PABPC4L: variants seen among roughly 807,000 people sequenced by gnomAD.
PABPC4L encodes the protein polyadenylate-binding protein 4-like.
For synonymous variants in PABPC4L, 169 were observed against 164.1 expected (o/e 1.03, Z -0.23); for missense variants, 452 against 451.4 (o/e 1.00, Z -0.01).
the PABPC4L span, among the ~76,000 whole-genome samples, chr4:134,139,074 A>T: frequency 2.5e-4 from 38 of 151,952 alleles, no homozygotes; most frequent in African/African-American, 8.9e-4. Context: ...AAAGAAAGCA[A>T]GTGACTCAAC....
At chr4:133,983,161 T>C in the PABPC4L span, among the ~76,000 whole-genome samples, 1 of 151,932 alleles carries the variant, frequency 6.6e-6, no homozygotes, top group Non-Finnish European at 1.5e-5. Flanking sequence ...AATGAGGAGG[T>C]TTAGTTCTTA....
chr4:134,174,511 T>A, the PABPC4L span, among the ~76,000 whole-genome samples: 1 of 152,178 alleles, frequency 6.6e-6, no homozygotes, highest in Non-Finnish European at 1.5e-5. Flanking sequence ...ATGTTATGAC[T>A]GCTACAATGA....
chr4:134,097,421 T>C, the PABPC4L span, among the ~76,000 whole-genome samples: 1 of 151,842 alleles, frequency 6.6e-6, no homozygotes, highest in Admixed American at 6.6e-5. Context: ...TTTTGCCATA[T>C]TTTACCCTTC....
rs1203786256 is a variant in PABPC4L, at chr4:134,197,313, T to C, written c.*2594A>G. On this transcript the variant is annotated 3_prime_UTR_variant, in exon 2 of 2. Coordinates refer to ENST00000421491, the MANE Select transcript of PABPC4L (RefSeq NM_001114734.2). ...TATTTACTATAGGTTTTATATAAGA[T>C]ACTTTTTATGAACCAAAATTTTAGT... is the stretch of plus-strand genomic sequence containing the variant. 2 of 151,776 alleles carry C rather than the reference T, an allele frequency of 1.3e-5. No individual in the cohort carries two copies. The highest frequency in any genetic ancestry group is 4.8e-5 in the African/African-American group (2 of 41,444). 9.4% of individuals were successfully genotyped at this position (151,776 alleles called of 1,614,324 possible). A position where few individuals can be genotyped will look rare whatever the true frequency, so the allele number is the denominator to read the frequency against.
chr4:134,104,630 T>G, the PABPC4L span, among the ~76,000 whole-genome samples: 3 of 151,678 alleles, frequency 2.0e-5, no homozygotes, highest in Non-Finnish European at 4.4e-5. Flanking sequence ...CAGGCCAAAA[T>G]ATGGTGCCTC....
the PABPC4L span, among the ~76,000 whole-genome samples, chr4:134,164,668 A>C: frequency 6.6e-6 from 1 of 152,186 alleles, no homozygotes; most frequent in Non-Finnish European, 1.5e-5. Context: ...ATGGATTGCA[A>C]GGATAAGTAT....
At chr4:134,015,809 G>A in the PABPC4L span, among the ~76,000 whole-genome samples, 28,291 of 152,026 alleles carry the variant, frequency 0.19, 3,274 homozygotes, top group Middle Eastern at 0.26. Context: ...TCAAGTCTGC[G>A]TGTGGCGGCT....
At chr4:134,015,256 C>G in the PABPC4L span, among the ~76,000 whole-genome samples, 1 of 152,086 alleles carries the variant, frequency 6.6e-6, no homozygotes, top group African/African-American at 2.4e-5. Context: ...ACAATTCCCC[C>G]GTTTTACCTG....
the PABPC4L span, among the ~76,000 whole-genome samples, chr4:134,166,015 A>G: frequency 6.6e-6 from 1 of 152,300 alleles, no homozygotes; most frequent in East Asian, 1.9e-4. Flanking sequence ...TCTAAGTGAA[A>G]TAATTCAGAA....
At chr4:134,000,499 T>TA in the PABPC4L span, among the ~76,000 whole-genome samples, 1 of 152,142 alleles carries the variant, frequency 6.6e-6, no homozygotes, top group Non-Finnish European at 1.5e-5. Context: ...TAATCTAACC[T>TA]AAAAAATTGG....
At chr4:134,075,795 T>A in the PABPC4L span, among the ~76,000 whole-genome samples, 2 of 152,170 alleles carry the variant, frequency 1.3e-5, no homozygotes, top group Non-Finnish European at 2.9e-5. Flanking sequence ...AAATTTTATG[T>A]GTTCTATAGC....
chr4:134,074,733 G>C, the PABPC4L span, among the ~76,000 whole-genome samples: 1 of 152,188 alleles, frequency 6.6e-6, no homozygotes, highest in Non-Finnish European at 1.5e-5. Context: ...GAAAGGGAAG[G>C]AAACAAGTCC....
At chr4:134,077,205 A>G in the PABPC4L span, among the ~76,000 whole-genome samples, 1,657 of 152,258 alleles carry the variant, frequency 0.011, 16 homozygotes, top group African/African-American at 0.038. Context: ...TTCCATCTTG[A>G]AAACTTCTGT....
At chr4:133,999,132 T>C in the PABPC4L span, among the ~76,000 whole-genome samples, 2 of 152,034 alleles carry the variant, frequency 1.3e-5, no homozygotes, top group Non-Finnish European at 2.9e-5. Context: ...TCCACACATA[T>C]TACATCAACA....
the PABPC4L span, among the ~76,000 whole-genome samples, chr4:134,064,759 A>G: frequency 6.6e-6 from 1 of 151,952 alleles, no homozygotes; most frequent in South Asian, 2.1e-4. Context: ...CATACCCTCC[A>G]CCCTCTAGTA....
At chr4:134,057,963 A>G in the PABPC4L span, among the ~76,000 whole-genome samples, 1 of 152,110 alleles carries the variant, frequency 6.6e-6, no homozygotes, top group Non-Finnish European at 1.5e-5. Context: ...TGAGAAAGAA[A>G]AAACAGTATT....
chr4:134,026,618 T>C, the PABPC4L span, among the ~76,000 whole-genome samples: 1 of 152,102 alleles, frequency 6.6e-6, no homozygotes, highest in Non-Finnish European at 1.5e-5. Flanking sequence ...GGTTGAATTG[T>C]GTCCCCCCCC....
chr4:134,113,625 G>GAA, the PABPC4L span, among the ~76,000 whole-genome samples: 143 of 151,904 alleles, frequency 9.4e-4, no homozygotes, highest in African/African-American at 3.3e-3. Flanking sequence ...CCACTGTTAA[G>GAA]AAACACATGA....
At chr4:134,171,383 G>A in the PABPC4L span, among the ~76,000 whole-genome samples, 1 of 152,052 alleles carries the variant, frequency 6.6e-6, no homozygotes. Flanking sequence ...CAAAGTACTG[G>A]GATTACAAGC....
Sources: gnomAD v4.1 joint callset for allele counts (sites outside exome capture counted in the v4.1 genomes callset) on GRCh38, gnomAD v4.1.1 for gene constraint, MANE v1.5 for transcripts, NCBI Gene and HGNC (gene_info 2026-07-23, HGNC 2026-07-21) for gene names.